Variants in EVA1C observed in about 807,000 individuals in gnomAD.
The protein encoded by EVA1C is eva-1 homolog C.
EVA1C carries 25 observed loss-of-function variants against 45.4 expected under a neutral mutation model. That is an observed-to-expected ratio of 0.55 (90% CI 0.40 to 0.77). The LOEUF is 0.77. Ranked by LOEUF, EVA1C falls within the 30% of genes least tolerant of loss-of-function variation. The pLI is 0.00. For synonymous variants in EVA1C, 190 were observed against 221.2 expected (o/e 0.86, Z 1.25); for missense variants, 479 against 554.8 (o/e 0.86, Z 1.37).
chr21:32,458,504 CAG>C (rs1194536688), intron 3 of EVA1C, among the ~76,000 whole-genome samples: 1 of 135,670 alleles, frequency 7.4e-6, no homozygotes, highest in Non-Finnish European at 1.6e-5. Context: ...TTTTTTGAGA[CAG>C]AGTTTCACTC....
intron 1 of EVA1C, among the ~76,000 whole-genome samples, chr21:32,436,404 A>ACCAC (rs2034953727): frequency 6.6e-6 from 1 of 152,222 alleles, no homozygotes; most frequent in Admixed American, 6.5e-5. Context: ...TATACAATCA[A>ACCAC]CCACCACTCT....
At chr21:32,491,017 T>G (rs58046620) in intron 4 of EVA1C, among the ~76,000 whole-genome samples, 5,163 of 152,266 alleles carry the variant, frequency 0.034, 237 homozygotes, top group African/African-American at 0.1. Context: ...CTAGTCTGGA[T>G]AGCGACAAAT....
intron 1 of EVA1C, among the ~76,000 whole-genome samples, chr21:32,450,383 A>T (rs1244387932): frequency 5.5e-5 from 8 of 145,562 alleles, no homozygotes; most frequent in African/African-American, 1.0e-4. Flanking sequence ...GAGCCTTGTC[A>T]TTTTTTTTTT....
rs772663456 is a variant in EVA1C, at chr21:32,474,492, C to T, written c.634+6644C>T. On this transcript the variant is annotated intron_variant, in intron 4 of 7. Coordinates refer to ENST00000300255, the MANE Select transcript of EVA1C (RefSeq NM_058187.5). This position sits in a 1 kb window ranked among gnomAD's most constrained non-coding sequence, Gnocchi z 4.4. ...ATCTCAGAGAGGTTTCTCCAGGCAC[C>T]GGCCAGCATGGCACCTCGTCCCTGC... Among the ~76,000 whole-genome samples the T allele has an allele frequency of 1.2e-4, 19 of 152,326 alleles. No individual in the cohort carries two copies. The highest frequency in any genetic ancestry group is 3.4e-3 in the Middle Eastern group (1 of 294).
chr21:32,444,769 T>TC (rs2146215743), intron 1 of EVA1C, among the ~76,000 whole-genome samples: 2 of 150,648 alleles, frequency 1.3e-5, no homozygotes, highest in Admixed American at 1.3e-4. Flanking sequence ...CAGGGACCAG[T>TC]CCCCATCCTG....
intron 4 of EVA1C, among the ~76,000 whole-genome samples, chr21:32,485,319 C>A (rs1336938945): frequency 1.3e-5 from 2 of 152,148 alleles, no homozygotes; most frequent in Non-Finnish European, 2.9e-5. Flanking sequence ...AGGCGTGCAC[C>A]ACCACACCTG....
At chr21:32,472,203 C>T (rs187077694) in intron 4 of EVA1C, among the ~76,000 whole-genome samples, 7 of 152,188 alleles carry the variant, frequency 4.6e-5, no homozygotes, top group South Asian at 4.2e-4. Flanking sequence ...CTGTCGCCCA[C>T]GCTGGAGTGC....
chr21:32,434,212 C>T (rs562635297), intron 1 of EVA1C, among the ~76,000 whole-genome samples: 266 of 152,156 alleles, frequency 1.7e-3, no homozygotes, highest in Non-Finnish European at 2.9e-3. Flanking sequence ...AGGATAATTG[C>T]TTGAACCCGG....
At chr21:32,427,966 A>G (rs927381746) in intron 1 of EVA1C, among the ~76,000 whole-genome samples, 1 of 151,590 alleles carries the variant, frequency 6.6e-6, no homozygotes, top group Non-Finnish European at 1.5e-5. Flanking sequence ...GACTTTTCTC[A>G]TTACATGTAT....
In EVA1C at chr21:32,505,471, T is replaced by C. The variant is rs190543995; in HGVS notation, c.949+1456T>C. Among the ~76,000 whole-genome samples the C allele has an allele frequency of 4.7e-3, 718 of 152,304 alleles. 3 individuals carry two copies. The highest frequency in any genetic ancestry group is 0.017 in the African/African-American group (691 of 41,550). ...AATCCTCCAGACAGAGAATAACGAT[T>C]GAAGGGGAACGAGACCGACATTGCG... is the stretch of plus-strand genomic sequence containing the variant. On this transcript the variant is annotated intron_variant, in intron 7 of 7. Coordinates refer to ENST00000300255, the MANE Select transcript of EVA1C (RefSeq NM_058187.5).
chr21:32,475,892 T>TATCTATC (rs1213523980), intron 4 of EVA1C, among the ~76,000 whole-genome samples: 1 of 54,168 alleles, frequency 1.8e-5, no homozygotes, highest in Non-Finnish European at 3.4e-5. Flanking sequence ...TCTATCTATC[T>TATCTATC]ATCTATCTAT....
intron 3 of EVA1C, among the ~76,000 whole-genome samples, chr21:32,463,052 G>A (rs570396479): frequency 1.1e-4 from 16 of 152,240 alleles, no homozygotes; most frequent in Non-Finnish European, 2.2e-4. Flanking sequence ...AGCTGGTCTC[G>A]GCAGTGATGT....
intron 4 of EVA1C, among the ~76,000 whole-genome samples, chr21:32,479,690 C>T (rs1452562541): frequency 6.6e-6 from 1 of 152,092 alleles, no homozygotes. Context: ...GTGGTTCTTT[C>T]CTGTGATCCC....
chr21:32,422,828 A>G (rs2034332490), intron 1 of EVA1C, among the ~76,000 whole-genome samples: 1 of 152,094 alleles, frequency 6.6e-6, no homozygotes, highest in Admixed American at 6.6e-5. Flanking sequence ...TAATCCCAGC[A>G]CTTTGGAAGG....
intron 4 of EVA1C, among the ~76,000 whole-genome samples, chr21:32,488,231 G>C (rs1232405934): frequency 1.3e-5 from 2 of 152,086 alleles, no homozygotes; most frequent in Non-Finnish European, 2.9e-5. Context: ...ATTTCTCCAA[G>C]AAAGACATAA....
rs553479820 is a variant in EVA1C, at chr21:32,415,463, C to G, written c.160+2450C>G. Among the ~76,000 whole-genome samples the G allele has an allele frequency of 5.3e-5, 8 of 152,222 alleles. No homozygotes were observed. In the South Asian group the frequency reaches 1.2e-3, roughly 24 times the overall value. On this transcript the variant is annotated intron_variant, in intron 1 of 7. Coordinates refer to ENST00000300255, the MANE Select transcript of EVA1C (RefSeq NM_058187.5). ...GTCTGTACAATATAGGCCCCTTTCTCCCCCCAGGAGATTAGCAGTGCAGAG... is the reference window on the plus strand; with the variant it reads ...GTCTGTACAATATAGGCCCCTTTCTGCCCCCAGGAGATTAGCAGTGCAGAG...
chr21:32,421,731 C>T (rs979751388), intron 1 of EVA1C, among the ~76,000 whole-genome samples: 6 of 152,238 alleles, frequency 3.9e-5, no homozygotes, highest in East Asian at 1.9e-4. Flanking sequence ...AGCAATGACA[C>T]GGTTCTTAAG....
intron 7 of EVA1C, among the ~76,000 whole-genome samples, chr21:32,511,419 C>CAAAAAAAAAAAAAAAAA (rs749141703): frequency 1.1e-4 from 5 of 47,556 alleles, no homozygotes; most frequent in Admixed American, 2.9e-4. Flanking sequence ...AACTCCGTCT[C>CAAAAAAAAAAAAAAAAA]AAAAAAAAAA....
At chr21:32,487,131 A>G (rs1263597246) in intron 4 of EVA1C, among the ~76,000 whole-genome samples, 1 of 152,190 alleles carries the variant, frequency 6.6e-6, no homozygotes, top group Non-Finnish European at 1.5e-5. Flanking sequence ...TTTGTTATTC[A>G]TTAAAATTAG....
Sources: gnomAD v4.1 joint callset for allele counts (sites outside exome capture counted in the v4.1 genomes callset) on GRCh38, gnomAD v4.1.1 for gene constraint, Gnocchi (gnomAD v3.1) non-coding constraint, MANE v1.5 for transcripts, NCBI Gene and HGNC (gene_info 2026-07-23, HGNC 2026-07-21) for gene names.